The following PDE7B variants were observed in gnomAD, a reference collection of about 807,000 sequenced individuals.
PDE7B encodes the protein phosphodiesterase 7B.
PDE7B carries 29 observed loss-of-function variants against 56.2 expected under a neutral mutation model. The ratio of observed to expected loss-of-function variants is 0.52; its 90% CI spans 0.38 to 0.70. The LOEUF is 0.70. Ranked by LOEUF, PDE7B falls within the 30% of genes least tolerant of loss-of-function variation. The pLI, the probability that PDE7B is intolerant of heterozygous loss-of-function variation, is 0.00. For synonymous variants in PDE7B, 197 were observed against 196.9 expected, an observed-to-expected ratio of 1.00 and a Z score of 0.00; for missense variants, 490 against 565.0, an observed-to-expected ratio of 0.87 and a Z score of 1.35.
rs77357372 is a variant in PDE7B at position 136,191,834 on chromosome 6, C to G, written c.1347C>G (p.Ser449Arg). Reference sequence around the variant, plus strand: ...AGAGCGAGGAGCAGGAAGGCGACAGCCCCTAGGGGCCGGCCCAACTTAGAC... The same window carrying G: ...AGAGCGAGGAGCAGGAAGGCGACAGGCCCTAGGGGCCGGCCCAACTTAGAC... ...GTESEEQEGD[S>R]P Residue 449 changes from serine to arginine, a missense_variant, in exon 13 of 13, where the codon AGC becomes AGG. Coordinates refer to ENST00000308191, the MANE Select transcript of PDE7B (RefSeq NM_018945.4). The G allele has an allele frequency of 2.5e-3, 3,942 of 1,549,440 alleles. 103 individuals carry two copies. The African/African-American group carries it at 0.048, about 19-fold the overall frequency.
At chr6:136,044,303 T>C (rs1776462474) in intron 2 of PDE7B, 1 of 152,170 alleles carries the variant, frequency 6.6e-6, no homozygotes, top group South Asian at 2.1e-4. Flanking sequence ...GAACATTCTG[T>C]TTTTTTCATG....
chr6:135,934,836 T>A (rs1372844838), intron 1 of PDE7B, among the ~76,000 whole-genome samples: 5 of 117,040 alleles, frequency 4.3e-5, no homozygotes, highest in East Asian at 2.2e-4. Flanking sequence ...TAAATAAATA[T>A]ATATATTTAT....
intron 8 of PDE7B, among the ~76,000 whole-genome samples, chr6:136,170,283 T>G (rs1778858274): frequency 6.6e-6 from 1 of 152,170 alleles, no homozygotes; most frequent in South Asian, 2.1e-4. Flanking sequence ...ACTTTTTGTT[T>G]AATTGTGGTA....
intron 2 of PDE7B, among the ~76,000 whole-genome samples, chr6:135,947,909 C>G (rs777274664): frequency 2.6e-5 from 4 of 151,944 alleles, no homozygotes; most frequent in Non-Finnish European, 5.9e-5. Context: ...AGTACAAAAC[C>G]CTTACTTAGA....
At chr6:135,919,057 C>CT (rs1371809674) in intron 1 of PDE7B, among the ~76,000 whole-genome samples, 1 of 152,158 alleles carries the variant, frequency 6.6e-6, no homozygotes, top group Non-Finnish European at 1.5e-5. Context: ...TATTATATCA[C>CT]TTTTTCAGTT....
Position 136,194,410 on chromosome 6 carries a change from G to A in PDE7B, c.*2570G>A, listed in dbSNP as rs938661965. 3 of 152,300 alleles carry A rather than the reference G, an allele frequency of 2.0e-5. No individual in the cohort carries two copies. The highest frequency in any genetic ancestry group is 2.0e-4 in the Admixed American group (3 of 15,300). 9.4% of individuals were successfully genotyped at this position (152,300 alleles called of 1,614,324 possible). On this transcript the variant is annotated 3_prime_UTR_variant, in exon 13 of 13. Coordinates refer to ENST00000308191, the MANE Select transcript of PDE7B (RefSeq NM_018945.4). ...AATATCCAATGGGTAAGCCCATGAT[G>A]TAGCCACTAGTACAATAAAAATCTG...
At chr6:135,947,631 A>G (rs41288029) in intron 2 of PDE7B, 107 bp downstream of exon 2, 19,005 of 785,870 alleles carry the variant, frequency 0.024, 325 homozygotes, top group Non-Finnish European at 0.032. Context: ...AGAGGCTGAT[A>G]GGTTCTTTTG....
intron 3 of PDE7B, among the ~76,000 whole-genome samples, chr6:136,126,313 T>C (rs1347464710): frequency 6.6e-6 from 1 of 152,162 alleles, no homozygotes; most frequent in Non-Finnish European, 1.5e-5. Context: ...TTCCTTAGTT[T>C]GCATAGTAGT....
intron 2 of PDE7B, among the ~76,000 whole-genome samples, chr6:136,069,848 A>G (rs1256319052): frequency 6.6e-6 from 1 of 152,046 alleles, no homozygotes; most frequent in African/African-American, 2.4e-5. Context: ...GTGCTTAAAG[A>G]ATCAGTTTAA....
At chr6:136,147,780 T>G in intron 4 of PDE7B, among the ~76,000 whole-genome samples, 1 of 152,216 alleles carries the variant, frequency 6.6e-6, no homozygotes, top group East Asian at 1.9e-4. Context: ...CAAAACATAT[T>G]TGCACGATAC....
At chr6:136,168,577 G>A (rs1390799111) in intron 8 of PDE7B, among the ~76,000 whole-genome samples, 3 of 152,176 alleles carry the variant, frequency 2.0e-5, no homozygotes, top group Non-Finnish European at 4.4e-5. Context: ...TCTGGCAGCT[G>A]TAAGGAGGAT....
intron 1 of PDE7B, among the ~76,000 whole-genome samples, chr6:135,938,995 T>C (rs186970047): frequency 6.6e-6 from 1 of 152,354 alleles, no homozygotes; most frequent in East Asian, 1.9e-4. Context: ...TGAGAGACTC[T>C]CTGGAGACCG....
chr6:135,971,753 A>T (rs1775097625), intron 2 of PDE7B, among the ~76,000 whole-genome samples: 2 of 152,154 alleles, frequency 1.3e-5, no homozygotes, highest in Non-Finnish European at 2.9e-5. Flanking sequence ...CTCACTGGAG[A>T]TAAACTACCC....
chr6:135,878,028 A>C (rs1205609710), intron 1 of PDE7B, among the ~76,000 whole-genome samples: 1 of 152,148 alleles, frequency 6.6e-6, no homozygotes, highest in Non-Finnish European at 1.5e-5. Flanking sequence ...AGTTCTGGGG[A>C]AAGGAAGCCC....
At chr6:136,009,030 T>C (rs1017329474) in intron 2 of PDE7B, among the ~76,000 whole-genome samples, 6 of 151,562 alleles carry the variant, frequency 4.0e-5, no homozygotes, top group African/African-American at 7.3e-5. Flanking sequence ...AAGGAAGGGA[T>C]CCAGTTTCAG....
intron 1 of PDE7B, among the ~76,000 whole-genome samples, chr6:135,937,672 C>T (rs974734981): frequency 2.0e-5 from 3 of 151,986 alleles, no homozygotes; most frequent in African/African-American, 7.2e-5. Context: ...CCCTTTTTCC[C>T]AAATCTAGGT....
In PDE7B at chr6:136,181,259, T is replaced by C; in HGVS notation, c.981T>C (p.Pro327=). 1 of 1,613,882 alleles carries C rather than the reference T, an allele frequency of 6.2e-7. No homozygotes were observed. The change falls in exon 11 of 13, where the codon CCT becomes CCC. Residue 327 remains proline, a synonymous_variant. Transcript: ENST00000308191. The part of the protein sequence containing the change: ...IALKCADICN[P]CRIWEMSKQW... ...TGAAGTGTGCTGACATTTGCAATCCTTGTAGAATCTGGGAGATGAGCAAGC... is the reference window on the plus strand; with the variant it reads ...TGAAGTGTGCTGACATTTGCAATCCCTGTAGAATCTGGGAGATGAGCAAGC...
chr6:136,154,281 T>G, intron 7 of PDE7B, 106 bp downstream of exon 7: 2 of 629,680 alleles, frequency 3.2e-6, no homozygotes, highest in Non-Finnish European at 5.7e-6. Flanking sequence ...TATGTGTCAT[T>G]AACAATGTGA....
chr6:135,887,462 G>A (rs1406942297), intron 1 of PDE7B, among the ~76,000 whole-genome samples: 1 of 152,128 alleles, frequency 6.6e-6, no homozygotes, highest in Non-Finnish European at 1.5e-5. Flanking sequence ...AAGAGAATAT[G>A]AAAGGATCTG....
Sources: gnomAD v4.1 joint callset for allele counts (sites outside exome capture counted in the v4.1 genomes callset) on GRCh38, gnomAD v4.1.1 for gene constraint, MANE v1.5 for transcripts, NCBI Gene and HGNC (gene_info 2026-07-23, HGNC 2026-07-21) for gene names.